Variants in AQR observed in about 807,000 individuals in gnomAD.
The protein encoded by AQR is aquarius intron-binding spliceosomal factor.
Under a neutral mutation model 180.5 loss-of-function variants are expected in AQR, and 61 were observed. The observed-to-expected ratio is 0.34, with a 90% CI of 0.28 to 0.42. AQR has a LOEUF of 0.42. AQR is among the 10% of genes least tolerant of loss of function. The pLI is 1.00. For missense variants in AQR, 1,281 were observed against 1,798.3 expected (o/e 0.71, Z 5.20); for synonymous variants, 551 against 588.8 (o/e 0.94, Z 0.93).
chr15:34,871,262 T>G (rs1396054309), intron 30 of AQR, among the ~76,000 whole-genome samples: 3 of 152,120 alleles, frequency 2.0e-5, no homozygotes, highest in African/African-American at 7.2e-5. Context: ...ATCCCAGCAC[T>G]TGGGGAGGCC....
At chr15:34,877,106 T>G (rs1201699997) in intron 27 of AQR, among the ~76,000 whole-genome samples, 1 of 152,216 alleles carries the variant, frequency 6.6e-6, no homozygotes, top group African/African-American at 2.4e-5. Flanking sequence ...TGTAAAAGAA[T>G]GAAAAATCAA....
chr15:34,904,189 GT>G (rs1566986233), intron 19 of AQR, 146 bp downstream of exon 19: 1 of 463,244 alleles, frequency 2.2e-6, no homozygotes, highest in Non-Finnish European at 3.6e-6. Context: ...TTTGTTAAAA[GT>G]TTAAGAGGAT....
chr15:34,898,896 G>A (rs1445265266), intron 20 of AQR, among the ~76,000 whole-genome samples: 7 of 143,588 alleles, frequency 4.9e-5, no homozygotes, highest in South Asian at 4.4e-4. Context: ...GGCCGGGCGC[G>A]GTGGCTCACG....
rs1892562015 is a variant in AQR at position 34,854,609 on chromosome 15, T to C, written c.*2183A>G. The C allele has an allele frequency of 6.6e-6, 1 of 152,150 alleles. No homozygotes were observed. The highest frequency in any genetic ancestry group is 1.5e-5 in the Non-Finnish European group (1 of 68,024). 9.4% of individuals were successfully genotyped at this position (152,150 alleles called of 1,614,324 possible). A position where few individuals can be genotyped will look rare whatever the true frequency, so the allele number is the denominator to read the frequency against. ...GCCACTCACTTGCCTTTCCAATGAA[T>C]AAACCGTTTAAAAGAATTCAAATCC... On this transcript the variant is annotated 3_prime_UTR_variant, in exon 35 of 35. Coordinates refer to ENST00000156471, the MANE Select transcript of AQR (RefSeq NM_014691.3).
chr15:34,902,904 C>G (rs1221062171), intron 19 of AQR, among the ~76,000 whole-genome samples: 1 of 152,108 alleles, frequency 6.6e-6, no homozygotes, highest in African/African-American at 2.4e-5. Context: ...CCCTCATAGA[C>G]TTGCTTGCTT....
At chr15:34,900,523 A>C (rs1040395244) in intron 20 of AQR, 99 bp downstream of exon 20, 1 of 1,446,594 alleles carries the variant, frequency 6.9e-7, no homozygotes, top group Non-Finnish European at 9.3e-7. Flanking sequence ...ACAAAATCCA[A>C]ATATAGTACT....
At chr15:34,897,477 A>G in intron 21 of AQR, 82 bp downstream of exon 21, 1 of 1,509,568 alleles carries the variant, frequency 6.6e-7, no homozygotes, top group Non-Finnish European at 9.1e-7. Flanking sequence ...TAAAAGAAAC[A>G]GAAAATTTAA....
At chr15:34,868,531 A>T (rs1033955156) in intron 31 of AQR, 1 of 152,180 alleles carries the variant, frequency 6.6e-6, no homozygotes, top group Non-Finnish European at 1.5e-5. Context: ...TAAGTCAACT[A>T]CATGGAGGTA....
chr15:34,949,365 C>T (rs569494849), intron 4 of AQR, among the ~76,000 whole-genome samples: 33 of 151,452 alleles, frequency 2.2e-4, no homozygotes, highest in African/African-American at 7.7e-4. Flanking sequence ...AATCCCAGCA[C>T]TTTGGGAGGC....
At chr15:34,930,947 C>G (rs1893848732) in intron 11 of AQR, among the ~76,000 whole-genome samples, 1 of 151,448 alleles carries the variant, frequency 6.6e-6, no homozygotes, top group Non-Finnish European at 1.5e-5. Flanking sequence ...CGCCATTCTC[C>G]TGCCTCAGCC....
At chr15:34,887,291 A>G (rs1348955993) in intron 24 of AQR, among the ~76,000 whole-genome samples, 4 of 152,332 alleles carry the variant, frequency 2.6e-5, no homozygotes, top group South Asian at 4.1e-4. Context: ...ACAAAGAAGA[A>G]AGCAGGACAG....
At position 34,855,839 on chromosome 15, in the gene AQR, T is replaced by C. The variant is rs529357665; in HGVS notation, c.*953A>G. 6.6e-6 allele frequency: 1 copy of C among 152,186 alleles called. No individual in the cohort carries two copies. The highest frequency in any genetic ancestry group is 1.5e-5 in the Non-Finnish European group (1 of 68,036). The allele number at this position is 152,186 out of a possible 1,614,324, so 9.4% of individuals were successfully genotyped here. A position where few individuals can be genotyped will look rare whatever the true frequency, so the allele number is the denominator to read the frequency against. On this transcript the variant is annotated 3_prime_UTR_variant, in exon 35 of 35. Transcript: ENST00000156471. ...TGTTGGTTCACAAATCATACTTGAG[T>C]AGCAAGGTCCCAGGTACCTCTGCCT...
At chr15:34,922,750 C>T (rs1893700226) in intron 13 of AQR, among the ~76,000 whole-genome samples, 1 of 151,784 alleles carries the variant, frequency 6.6e-6, no homozygotes, top group South Asian at 2.1e-4. Flanking sequence ...ACAAGTCATC[C>T]TTCCACCTCA....
intron 15 of AQR, among the ~76,000 whole-genome samples, chr15:34,916,976 C>T (rs549475123): frequency 2.0e-5 from 3 of 151,792 alleles, no homozygotes; most frequent in African/African-American, 4.8e-5. Flanking sequence ...ACCTTGTAAC[C>T]ACCTTGTCAG....
intron 30 of AQR, among the ~76,000 whole-genome samples, chr15:34,872,343 T>C (rs1892831206): frequency 6.6e-6 from 1 of 152,184 alleles, no homozygotes; most frequent in African/African-American, 2.4e-5. Flanking sequence ...TCTCCAGAAA[T>C]ATATTTAATA....
chr15:34,947,284 T>C (rs1052781201), intron 5 of AQR, among the ~76,000 whole-genome samples: 6 of 151,638 alleles, frequency 4.0e-5, no homozygotes, highest in African/African-American at 1.5e-4. Context: ...GTGCAAGATG[T>C]GCTTTGTTAA....
intron 3 of AQR, among the ~76,000 whole-genome samples, chr15:34,958,149 A>G (rs1894354249): frequency 2.0e-5 from 3 of 152,132 alleles, no homozygotes; most frequent in South Asian, 2.1e-4. Flanking sequence ...CAGAGCTTGC[A>G]GTGAGCCGAG....
At chr15:34,865,209 CT>C (rs1324209030) in intron 32 of AQR, among the ~76,000 whole-genome samples, 3 of 152,130 alleles carry the variant, frequency 2.0e-5, no homozygotes, top group African/African-American at 7.2e-5. Flanking sequence ...GATAGAACCC[CT>C]ATGAGGAAAC....
In AQR at chr15:34,860,080, A is replaced by G; in HGVS notation, c.4105T>C (p.Tyr1369His). Residue 1369 changes from tyrosine to histidine, a missense_variant, in exon 34 of 35, where the codon TAC (tyrosine) becomes CAC (histidine). Around this residue, in one of 9 missense-constraint regions of AQR, gnomAD observed 182 missense variants for 185.3 expected, o/e 0.98. Coordinates refer to ENST00000156471, the MANE Select transcript of AQR (RefSeq NM_014691.3). ...PQMANFVYNM[Y>H]MHLIQTTHHY... The stretch of plus-strand genomic sequence containing the variant: ...TGTGTAGTCTGTATCAAATGCATGT[A>G]CATGTTGTATACAAAGTTTGCCATC... 6.6e-7 allele frequency: 1 copy of G among 1,514,108 alleles called. No homozygotes were observed. The highest frequency in any genetic ancestry group is 9.0e-7 in the Non-Finnish European group (1 of 1,117,242). 93.8% of individuals were successfully genotyped at this position (1,514,108 alleles called of 1,614,324 possible).
Sources: gnomAD v4.1 joint callset for allele counts (sites outside exome capture counted in the v4.1 genomes callset) on GRCh38, gnomAD v4.1.1 for gene constraint, gnomAD v4.1.1 regional missense constraint, MANE v1.5 for transcripts, NCBI Gene and HGNC (gene_info 2026-07-23, HGNC 2026-07-21) for gene names.